The following MTARC2 variants were observed in gnomAD, a reference collection of about 807,000 sequenced individuals.
MTARC2 encodes the protein MOCO sulphurase C-terminal domain containing 2.
A neutral mutation model predicts 35.6 loss-of-function variants in MTARC2; 27 were observed. The ratio of observed to expected loss-of-function variants is 0.76; its 90% CI spans 0.56 to 1.04. The LOEUF (loss-of-function observed/expected upper bound fraction) is 1.04. MTARC2 is among the 50% of genes least tolerant of loss of function. MTARC2 has a pLI of 0.00. For missense variants in MTARC2, 412 were observed against 432.5 expected (o/e 0.95, Z 0.42); for synonymous variants, 158 against 167.1 (o/e 0.95, Z 0.42).
In MTARC2 at chr1:220,781,893, A is replaced by T. The variant is rs148666453; in HGVS notation, c.1000A>T (p.Met334Leu). ...SLRVGDPVYR[M>L]V ...GAGAGTTGGTGACCCTGTGTATCGGATGGTGTAGTGATGAGTGATGGATCC... is the reference window on the plus strand; with the variant it reads ...GAGAGTTGGTGACCCTGTGTATCGGTTGGTGTAGTGATGAGTGATGGATCC... Residue 334 changes from methionine (M) to leucine (L), a missense_variant, in exon 7 of 8, where the codon ATG becomes TTG. Transcript: ENST00000366913. The T allele has an allele frequency of 1.2e-6, 2 of 1,614,132 alleles. No individual in the cohort carries two copies.
intron 4 of MTARC2, among the ~76,000 whole-genome samples, chr1:220,769,231 G>T (rs1482627011): frequency 6.6e-6 from 1 of 152,242 alleles, no homozygotes; most frequent in African/African-American, 2.4e-5. Context: ...TCTCATCAAG[G>T]AGAAGGAGGA....
intron 3 of MTARC2, among the ~76,000 whole-genome samples, chr1:220,762,633 TC>T (rs1671469696): frequency 6.6e-6 from 1 of 151,476 alleles, no homozygotes; most frequent in Non-Finnish European, 1.5e-5. Context: ...GGGAAGGGGG[TC>T]GCTGCTGGAG....
At chr1:220,772,349 G>A (rs12568838) in intron 4 of MTARC2, among the ~76,000 whole-genome samples, 48,463 of 152,020 alleles carry the variant, frequency 0.32, 8,901 homozygotes, top group East Asian at 0.68. Flanking sequence ...GAGCATAAGC[G>A]TGCCCTTTTC....
At chr1:220,761,958 C>T in intron 3 of MTARC2, 138 bp downstream of exon 3, 2 of 850,602 alleles carry the variant, frequency 2.4e-6, no homozygotes, top group Non-Finnish European at 1.8e-6. Context: ...ATAATGAGGG[C>T]ACAGCCTAGG....
chr1:220,751,074 T>C (rs191962180), intron 1 of MTARC2, among the ~76,000 whole-genome samples: 318 of 152,342 alleles, frequency 2.1e-3, no homozygotes, highest in African/African-American at 7.4e-3. Flanking sequence ...ATAGCCGCTG[T>C]CTTCTCCACC....
intron 1 of MTARC2, among the ~76,000 whole-genome samples, chr1:220,751,293 C>T (rs1671116534): frequency 6.6e-6 from 1 of 152,200 alleles, no homozygotes; most frequent in South Asian, 2.1e-4. Context: ...GCACCCTAAG[C>T]ATTGAGTGTT....
At chr1:220,761,040 T>C (rs1671423316) in intron 2 of MTARC2, among the ~76,000 whole-genome samples, 1 of 152,218 alleles carries the variant, frequency 6.6e-6, no homozygotes, top group South Asian at 2.1e-4. Context: ...CAACTTATAG[T>C]TCTGTGAAGG....
At chr1:220,782,227 G>C (rs1158100678) in intron 7 of MTARC2, among the ~76,000 whole-genome samples, 1 of 152,186 alleles carries the variant, frequency 6.6e-6, no homozygotes, top group Admixed American at 6.5e-5. Flanking sequence ...TTAAGGAATA[G>C]GGAAATGAAG....
intron 4 of MTARC2, among the ~76,000 whole-genome samples, chr1:220,773,185 G>A (rs1671792241): frequency 6.6e-6 from 1 of 152,158 alleles, no homozygotes; most frequent in Non-Finnish European, 1.5e-5. Context: ...GGAAGGGAGA[G>A]GGGCTGGAGG....
At chr1:220,771,296 CAAAAAAAAAA>C (rs57776178) in intron 4 of MTARC2, among the ~76,000 whole-genome samples, 1 of 57,108 alleles carries the variant, frequency 1.8e-5, no homozygotes, top group Non-Finnish European at 3.3e-5. Context: ...GAGACTGTCT[CAAAAAAAAAA>C]AAAAAAAAAA....
At chr1:220,759,327 G>GT (rs747568030) in intron 2 of MTARC2, among the ~76,000 whole-genome samples, 3 of 152,296 alleles carry the variant, frequency 2.0e-5, no homozygotes, top group East Asian at 3.9e-4. Context: ...GTGAGGGTCA[G>GT]TTTTTTCTAT....
At chr1:220,776,303 G>T (rs978019707) in intron 4 of MTARC2, among the ~76,000 whole-genome samples, 4 of 152,134 alleles carry the variant, frequency 2.6e-5, no homozygotes, top group African/African-American at 7.2e-5. Context: ...TCATGTGCTT[G>T]TTGGTCGCGT....
At position 220,781,668 on chromosome 1, in the gene MTARC2, T is replaced by C. The variant is rs928641197; in HGVS notation, c.885-110T>C. On this transcript the variant is annotated intron_variant, in intron 6 of 7. Transcript: ENST00000366913. ...CTTCTCTCGCAACATTTTAGAAAAT[T>C]CTTGCTGTGTATTTATAAATAACTT... 1.2e-5 allele frequency: 14 copies of C among 1,122,444 alleles called. No homozygotes were observed. In the African/African-American group the frequency reaches 1.9e-4, roughly 15 times the overall value. 69.5% of individuals were successfully genotyped at this position (1,122,444 alleles called of 1,614,324 possible).
intron 4 of MTARC2, among the ~76,000 whole-genome samples, chr1:220,771,037 G>T (rs937471260): frequency 6.6e-6 from 1 of 152,170 alleles, no homozygotes; most frequent in Admixed American, 6.5e-5. Flanking sequence ...CGTGGCTCAC[G>T]CCTGTAATCC....
At chr1:220,763,551 A>C (rs1316463429) in intron 4 of MTARC2, among the ~76,000 whole-genome samples, 3 of 152,186 alleles carry the variant, frequency 2.0e-5, no homozygotes, top group African/African-American at 7.2e-5. Flanking sequence ...GATTGACACC[A>C]GACATTTCCA....
At chr1:220,774,878 T>C (rs568720589) in intron 4 of MTARC2, among the ~76,000 whole-genome samples, 3,585 of 152,218 alleles carry the variant, frequency 0.024, 107 homozygotes, top group African/African-American at 0.064. Context: ...TATATATTCT[T>C]CACATCTGTA....
chr1:220,766,970 C>T (rs1388910250), intron 4 of MTARC2, among the ~76,000 whole-genome samples: 2 of 136,794 alleles, frequency 1.5e-5, no homozygotes, highest in African/African-American at 5.9e-5. Context: ...GGTGAAACCC[C>T]ACCTCTACAA....
In MTARC2 at chr1:220,761,766, C is replaced by A; in HGVS notation, c.555C>A (p.Asn185Lys). The change falls in exon 3 of 8, where the codon AAC becomes AAA. Residue 185 changes from asparagine (N) to lysine (K), a missense_variant. Transcript: ENST00000366913. ...ATAGATTGGTTCAATTTGAGACAAACATGAAGGGAAGAACATCAAGAAAAC... is the reference window on the plus strand; with the variant it reads ...ATAGATTGGTTCAATTTGAGACAAAAATGAAGGGAAGAACATCAAGAAAAC... ...EAYRLVQFETNMKGRTSRKLL... is the reference protein window; with the variant it reads ...EAYRLVQFETKMKGRTSRKLL... 1.9e-6 allele frequency: 3 copies of A among 1,613,622 alleles called. No individual in the cohort carries two copies. Among genetic ancestry groups the A allele is most frequent in the Non-Finnish European group, 2.5e-6 (3 of 1,179,888 alleles).
At chr1:220,761,956 G>C in intron 3 of MTARC2, 136 bp downstream of exon 3, 2 of 862,578 alleles carry the variant, frequency 2.3e-6, no homozygotes, top group Non-Finnish European at 3.6e-6. Flanking sequence ...TGATAATGAG[G>C]GCACAGCCTA....
Sources: allele counts gnomAD v4.1 joint callset (sites outside exome capture counted in the v4.1 genomes callset), GRCh38; gene constraint gnomAD v4.1.1; transcripts MANE v1.5; gene names NCBI Gene and HGNC (gene_info 2026-07-23, HGNC 2026-07-21).